The following HOMER2 variants were observed in gnomAD, a reference collection of about 807,000 sequenced individuals.
The protein encoded by HOMER2 is homer protein homolog 2.
In HOMER2, 27 loss-of-function variants were observed where a neutral mutation model predicts 47.0. That is an observed-to-expected ratio of 0.57 (90% confidence interval 0.42 to 0.79). The LOEUF (loss-of-function observed/expected upper bound fraction) is 0.79, where lower values mean the gene tolerates loss of function less well. Among genes scored for constraint, HOMER2 ranks in the 30% least tolerant of loss-of-function variants. The probability of loss-of-function intolerance (pLI) is 0.00; values close to 1 mark genes in which losing one functional copy is unlikely to be tolerated. For missense variants in HOMER2, 443 were observed against 435.0 expected (o/e 1.02, Z -0.16); for synonymous variants, 161 against 163.8 (o/e 0.98, Z 0.13).
intron 1 of HOMER2, among the ~76,000 whole-genome samples, chr15:82,936,707 G>A (rs1054166843): frequency 6.6e-6 from 1 of 151,910 alleles, no homozygotes; most frequent in Non-Finnish European, 1.5e-5. Context: ...CAAGTAGCTG[G>A]GACTGTAGGT....
intron 1 of HOMER2, among the ~76,000 whole-genome samples, chr15:82,930,921 G>C (rs1262558811): frequency 3.3e-5 from 5 of 152,084 alleles, no homozygotes; most frequent in African/African-American, 4.8e-5. Flanking sequence ...AGCTACTTGG[G>C]GGGGCTGAGG....
At chr15:82,979,797 C>A (rs925460840) in intron 1 of HOMER2, among the ~76,000 whole-genome samples, 2 of 152,112 alleles carry the variant, frequency 1.3e-5, no homozygotes, top group African/African-American at 4.8e-5. Context: ...TAAACAGGTT[C>A]AGGAAGAAAG....
intron 3 of HOMER2, among the ~76,000 whole-genome samples, chr15:82,868,944 C>T: frequency 6.6e-6 from 1 of 152,200 alleles, no homozygotes; most frequent in South Asian, 2.1e-4. Flanking sequence ...AATGGGCTCA[C>T]CAGAGCCATG....
chr15:82,879,052 T>G lies in HOMER2; in HGVS notation c.163-3648A>C, dbSNP rs2151077826. ...ATCCTGGCCACTGATGTCTCCAATC[T>G]GCTGTTAAATCTATCCATTGTTATC... On this transcript the variant is annotated intron_variant, in intron 2 of 8. Transcript: ENST00000450735. Among the ~76,000 whole-genome samples the G allele has an allele frequency of 1.3e-5, 2 of 152,380 alleles. 1 individual carries two copies. The highest frequency in any genetic ancestry group is 4.1e-4 in the South Asian group (2 of 4,834).
At chr15:82,962,121 AG>A (rs1024059879) in intron 1 of HOMER2, among the ~76,000 whole-genome samples, 2 of 151,272 alleles carry the variant, frequency 1.3e-5, no homozygotes, top group Non-Finnish European at 2.9e-5. Context: ...CCGTAATGCC[AG>A]CACTTTGGGA....
At chr15:82,904,899 A>T (rs1451317784) in intron 1 of HOMER2, among the ~76,000 whole-genome samples, 1 of 152,220 alleles carries the variant, frequency 6.6e-6, no homozygotes, top group African/African-American at 2.4e-5. Flanking sequence ...GTAAAAAAAT[A>T]AAATAAAAAA....
chr15:82,893,521 CG>C (rs1162173577), intron 1 of HOMER2, among the ~76,000 whole-genome samples: 5 of 151,464 alleles, frequency 3.3e-5, no homozygotes, highest in African/African-American at 1.2e-4. Context: ...ATAGTAGAGA[CG>C]GGGTTTCACT....
chr15:82,949,902 T>G (rs1176891456), intron 1 of HOMER2, among the ~76,000 whole-genome samples: 1 of 152,160 alleles, frequency 6.6e-6, no homozygotes, highest in Non-Finnish European at 1.5e-5. Flanking sequence ...GTTGGTCAGA[T>G]GTATGCTCCT....
intron 1 of HOMER2, among the ~76,000 whole-genome samples, chr15:82,965,557 G>A (rs1461819578): frequency 6.6e-6 from 1 of 152,092 alleles, no homozygotes; most frequent in Non-Finnish European, 1.5e-5. Context: ...GTGGTTAAGT[G>A]AGAAGGTTGT....
chr15:82,854,596 C>A (rs767312530), intron 6 of HOMER2, 48 bp downstream of exon 6: 1 of 1,569,530 alleles, frequency 6.4e-7, no homozygotes, highest in Non-Finnish European at 8.7e-7. Flanking sequence ...CCATCTCCCA[C>A]TGCCCACACC....
intron 3 of HOMER2, among the ~76,000 whole-genome samples, chr15:82,869,670 C>A (rs1358479862): frequency 1.3e-5 from 2 of 151,972 alleles, no homozygotes; most frequent in Non-Finnish European, 2.9e-5. Flanking sequence ...GTTGGCCAGG[C>A]TGGTCTCGAA....
At chr15:82,940,323 G>T (rs1016628436) in intron 1 of HOMER2, among the ~76,000 whole-genome samples, 1 of 152,212 alleles carries the variant, frequency 6.6e-6, no homozygotes, top group Non-Finnish European at 1.5e-5. Flanking sequence ...CTCATTAAAT[G>T]ATAGCTTAAT....
At chr15:82,848,552 C>T (rs1339326113), downstream of HOMER2, among the ~76,000 whole-genome samples, 3 of 152,222 alleles carry the variant, frequency 2.0e-5, no homozygotes, top group East Asian at 5.8e-4. Context: ...AGGCAGGACG[C>T]AGAGCTGGGT....
intron 1 of HOMER2, among the ~76,000 whole-genome samples, chr15:82,974,286 C>A (rs1004537605): frequency 3.3e-5 from 5 of 151,984 alleles, no homozygotes; most frequent in African/African-American, 1.2e-4. Flanking sequence ...TGTCTGTAGT[C>A]CCAGCCACTC....
At chr15:82,900,268 C>T (rs961255262) in intron 1 of HOMER2, among the ~76,000 whole-genome samples, 2 of 152,100 alleles carry the variant, frequency 1.3e-5, no homozygotes, top group African/African-American at 4.8e-5. Context: ...TAATGCATTC[C>T]AGCCTGGGCA....
At chr15:82,914,884 C>A (rs2053543465) in intron 1 of HOMER2, among the ~76,000 whole-genome samples, 1 of 152,026 alleles carries the variant, frequency 6.6e-6, no homozygotes, top group Non-Finnish European at 1.5e-5. Flanking sequence ...AAAGGGCGTG[C>A]ATTTAGAGGA....
At position 82,945,839 on chromosome 15, in the gene HOMER2, A is replaced by G. The variant is rs141527694; in HGVS notation, c.5+6692T>C. The stretch of plus-strand genomic sequence containing the variant: ...CAAAAAATTAGCCGGGTGTGGTGGC[A>G]GGCGCCTGTAGTCCCAGCTACTCGG... On this transcript the variant is annotated intron_variant, in intron 1 of 8. Coordinates refer to ENST00000450735, the MANE Select transcript of HOMER2 (RefSeq NM_004839.4). 1.0e-2 allele frequency among the ~76,000 whole-genome samples: 1,517 copies of G among 152,118 alleles called. 23 individuals are homozygous for G. The highest frequency in any genetic ancestry group is 0.033 in the African/African-American group (1,357 of 41,506).
intron 1 of HOMER2, among the ~76,000 whole-genome samples, chr15:82,912,073 A>C (rs1026827820): frequency 6.6e-6 from 1 of 152,216 alleles, no homozygotes. Flanking sequence ...AAAAATGAAT[A>C]ATTTTTAAAG....
At chr15:82,893,924 G>C in intron 1 of HOMER2, among the ~76,000 whole-genome samples, 1 of 152,106 alleles carries the variant, frequency 6.6e-6, no homozygotes, top group East Asian at 1.9e-4. Flanking sequence ...AGCCATTATA[G>C]GGCATGAACC....
Sources: allele counts gnomAD v4.1 joint callset (sites outside exome capture counted in the v4.1 genomes callset), GRCh38; gene constraint gnomAD v4.1.1; transcripts MANE v1.5; gene names NCBI Gene and HGNC (gene_info 2026-07-23, HGNC 2026-07-21).